The following CFAP299 variants were observed in gnomAD, a reference collection of about 807,000 sequenced individuals.
CFAP299 encodes cilia and flagella associated protein 299.
A neutral mutation model predicts 27.0 loss-of-function variants in CFAP299; 21 were observed. The ratio of observed to expected loss-of-function variants is 0.78; its 90% CI spans 0.55 to 1.12. The LOEUF (loss-of-function observed/expected upper bound fraction) is 1.12. Among genes scored for constraint, CFAP299 ranks in the 50% most tolerant of loss-of-function variants. CFAP299 has a pLI of 0.00. For synonymous variants in CFAP299, 104 were observed against 98.1 expected (o/e 1.06, Z -0.36); for missense variants, 310 against 276.6 (o/e 1.12, Z -0.86).
At chr4:80,339,409 CA>C (rs996495335) in intron 1 of CFAP299, among the ~76,000 whole-genome samples, 14 of 152,160 alleles carry the variant, frequency 9.2e-5, no homozygotes, top group Non-Finnish European at 8.8e-5. Flanking sequence ...AGTAAGTACA[CA>C]AATAGTGTAT....
intron 3 of CFAP299, among the ~76,000 whole-genome samples, chr4:80,618,380 T>C (rs942439156): frequency 1.3e-5 from 2 of 152,138 alleles, no homozygotes; most frequent in African/African-American, 4.8e-5. Context: ...AAACAATGAA[T>C]ACTACTGAAG....
rs1578586126 is a variant in CFAP299, at chr4:80,550,975, A to G, written c.243-32118A>G. Among the ~76,000 whole-genome samples, 3 of 152,264 alleles carry G rather than the reference A, an allele frequency of 2.0e-5. No individual in the cohort carries two copies. The South Asian group carries it at 6.2e-4, about 32-fold the overall frequency. On this transcript the variant is annotated intron_variant, in intron 2 of 5. Coordinates refer to ENST00000358105, the MANE Select transcript of CFAP299 (RefSeq NM_152770.3). ...AGCTGATAAAGAAACTTAAAAAAAT[A>G]TATTGTTAAAGATGGATAATTGACA...
At chr4:80,600,482 T>C (rs997811597) in intron 3 of CFAP299, among the ~76,000 whole-genome samples, 51 of 152,282 alleles carry the variant, frequency 3.3e-4, no homozygotes, top group African/African-American at 1.1e-3. Context: ...TGTACGTTTA[T>C]TTTCCAAATA....
chr4:80,707,952 C>T (rs1175153931), intron 3 of CFAP299, among the ~76,000 whole-genome samples: 2 of 152,028 alleles, frequency 1.3e-5, no homozygotes, highest in Non-Finnish European at 2.9e-5. Flanking sequence ...AATCTGATGA[C>T]GGAGTTTCTG....
chr4:80,692,801 A>G (rs1720815434), intron 3 of CFAP299, among the ~76,000 whole-genome samples: 1 of 152,218 alleles, frequency 6.6e-6, no homozygotes, highest in African/African-American at 2.4e-5. Flanking sequence ...TACTCATCTG[A>G]CAAAGGGCTG....
intron 2 of CFAP299, among the ~76,000 whole-genome samples, chr4:80,546,585 A>G (rs993842300): frequency 3.9e-5 from 6 of 152,180 alleles, no homozygotes; most frequent in African/African-American, 1.4e-4. Context: ...TGTTGAAGGT[A>G]GGACCTGGTG....
intron 3 of CFAP299, among the ~76,000 whole-genome samples, chr4:80,665,088 C>G (rs1268890881): frequency 1.3e-5 from 2 of 152,148 alleles, no homozygotes; most frequent in African/African-American, 4.8e-5. Flanking sequence ...ATGAGATGAG[C>G]TGGGTACCTC....
At chr4:80,600,428 A>G (rs6535041) in intron 3 of CFAP299, among the ~76,000 whole-genome samples, 141,794 of 152,110 alleles carry the variant, frequency 0.93, 66,150 homozygotes, top group East Asian at 1. Flanking sequence ...TTATTTTCAA[A>G]CATTTAACCA....
chr4:80,779,151 C>T (rs1435497997), intron 3 of CFAP299, among the ~76,000 whole-genome samples: 4 of 152,168 alleles, frequency 2.6e-5, no homozygotes, highest in Middle Eastern at 3.4e-3. Context: ...CCTTGTATCA[C>T]GTAGCAAACT....
chr4:80,624,480 T>C (rs1360588816), intron 3 of CFAP299, among the ~76,000 whole-genome samples: 1 of 151,690 alleles, frequency 6.6e-6, no homozygotes, highest in African/African-American at 2.4e-5. Flanking sequence ...TAAATAAGCT[T>C]ATGAGATTTA....
intron 5 of CFAP299, among the ~76,000 whole-genome samples, chr4:80,953,670 G>T (rs1737900594): frequency 6.6e-6 from 1 of 152,060 alleles, no homozygotes; most frequent in Admixed American, 6.6e-5. Flanking sequence ...GTTCATAAGT[G>T]TCCAGTGCAT....
chr4:80,828,099 G>C (rs1730085760), intron 3 of CFAP299, among the ~76,000 whole-genome samples: 1 of 151,972 alleles, frequency 6.6e-6, no homozygotes. Flanking sequence ...AGACAGTATT[G>C]ATAAAATGTT....
intron 3 of CFAP299, among the ~76,000 whole-genome samples, chr4:80,597,342 T>C (rs1737106682): frequency 6.6e-6 from 1 of 152,206 alleles, no homozygotes; most frequent in Non-Finnish European, 1.5e-5. Flanking sequence ...CATGTGTTTA[T>C]TGGTCATTTT....
chr4:80,391,510 C>T (rs527572175), intron 2 of CFAP299, among the ~76,000 whole-genome samples: 1 of 152,228 alleles, frequency 6.6e-6, no homozygotes, highest in African/African-American at 2.4e-5. Context: ...CACTGTATAA[C>T]AACATTTTGA....
chr4:80,690,910 A>T (rs368698781), intron 3 of CFAP299, among the ~76,000 whole-genome samples: 1 of 149,102 alleles, frequency 6.7e-6, no homozygotes, highest in Non-Finnish European at 1.5e-5. Context: ...GAATACTACA[A>T]ACACCTCTAT....
chr4:80,701,581 A>C (rs1333148288), intron 3 of CFAP299, among the ~76,000 whole-genome samples: 1 of 152,002 alleles, frequency 6.6e-6, no homozygotes, highest in Non-Finnish European at 1.5e-5. Flanking sequence ...CATGAAATCC[A>C]GTGAGATTTA....
chr4:80,387,431 G>T (rs1383725737), intron 2 of CFAP299: 6 of 888,754 alleles, frequency 6.8e-6, no homozygotes, highest in Admixed American at 1.7e-5. Flanking sequence ...GAACAAGTAG[G>T]AGCTGTAGAT....
Position 80,528,025 on chromosome 4 carries a change from G to T in CFAP299, c.243-55068G>T, listed in dbSNP as rs1733275614. On this transcript the variant is annotated intron_variant, in intron 2 of 5. Transcript: ENST00000358105. Reference sequence around the variant, plus strand: ...GACTCAGAGTCCCATCCACAATTGGGATGAATGCACTTTGGATGAACAATT... The same window carrying T: ...GACTCAGAGTCCCATCCACAATTGGTATGAATGCACTTTGGATGAACAATT... 2.0e-5 allele frequency among the ~76,000 whole-genome samples: 3 copies of T among 152,122 alleles called. No homozygotes were observed. The South Asian group carries it at 6.2e-4, about 31-fold the overall frequency.
chr4:80,681,673 A>G (rs1339208468), intron 3 of CFAP299, among the ~76,000 whole-genome samples: 1 of 152,206 alleles, frequency 6.6e-6, no homozygotes, highest in Non-Finnish European at 1.5e-5. Context: ...TCAAATTTGA[A>G]AAGAATGTAA....
Sources: gnomAD v4.1 joint callset for allele counts (sites outside exome capture counted in the v4.1 genomes callset) on GRCh38, gnomAD v4.1.1 for gene constraint, MANE v1.5 for transcripts, NCBI Gene and HGNC (gene_info 2026-07-23, HGNC 2026-07-21) for gene names.